The following PANK3 variants were observed in gnomAD, a reference collection of about 807,000 sequenced individuals.
The protein encoded by PANK3 is hPanK3.
A neutral mutation model predicts 39.4 loss-of-function variants in PANK3; 20 were observed. That is an observed-to-expected ratio of 0.51 (90% CI 0.36 to 0.74). The LOEUF is 0.74. Among genes scored for constraint, PANK3 ranks in the 30% least tolerant of loss-of-function variants. The pLI is 0.00. For missense variants in PANK3, 265 were observed against 437.0 expected (o/e 0.61, Z 3.51); for synonymous variants, 140 against 157.3 (o/e 0.89, Z 0.82).
chr5:168,571,502 T>A (rs1759629947), intron 1 of PANK3, among the ~76,000 whole-genome samples: 1 of 152,202 alleles, frequency 6.6e-6, no homozygotes, highest in African/African-American at 2.4e-5. Flanking sequence ...AAAATATATA[T>A]TTCTATTCTC....
At chr5:168,574,672 G>A (rs1170770529) in intron 1 of PANK3, among the ~76,000 whole-genome samples, 1 of 152,104 alleles carries the variant, frequency 6.6e-6, no homozygotes, top group Non-Finnish European at 1.5e-5. Flanking sequence ...ACAAGCCTGG[G>A]CAACATGGTG....
In PANK3 at chr5:168,550,559, T is replaced by C. The variant is rs780990303; in HGVS notation, c.*7012A>G. On this transcript the variant is annotated 3_prime_UTR_variant, in exon 7 of 7. Coordinates refer to ENST00000239231, the MANE Select transcript of PANK3 (RefSeq NM_024594.4). Reference sequence around the variant, plus strand: ...AAACCTTTCATATTACTTTAAGGTATATCTACCTGGCCATTACAGGCAATC... The same window carrying C: ...AAACCTTTCATATTACTTTAAGGTACATCTACCTGGCCATTACAGGCAATC... 1 of 152,204 alleles carries C rather than the reference T, an allele frequency of 6.6e-6. No individual in the cohort carries two copies. Among genetic ancestry groups the C allele is most frequent in the Non-Finnish European group, 1.5e-5 (1 of 68,018 alleles). 9.4% of individuals were successfully genotyped at this position (152,204 alleles called of 1,614,324 possible). A position where few individuals can be genotyped will look rare whatever the true frequency, so the allele number is the denominator to read the frequency against.
intron 1 of PANK3, among the ~76,000 whole-genome samples, chr5:168,577,941 TC>T (rs1182971585): frequency 1.3e-5 from 2 of 152,206 alleles, no homozygotes; most frequent in East Asian, 3.9e-4. Context: ...TTAAAGTCTC[TC>T]TATATTACTT....
intron 4 of PANK3, among the ~76,000 whole-genome samples, chr5:168,562,174 AAG>A (rs1229075171): frequency 2.0e-5 from 3 of 152,218 alleles, no homozygotes; most frequent in African/African-American, 7.2e-5. Context: ...AAAAGACAGC[AAG>A]AGAAGCGCTA....
At position 168,554,075 on chromosome 5, in the gene PANK3, T is replaced by C. The variant is rs1759313087; in HGVS notation, c.*3496A>G. ...TGTTTAGTAAACAAAAGCATAATAG[T>C]TCCAAAATTTGTAAAGCCTTTTACC... On this transcript the variant is annotated 3_prime_UTR_variant, in exon 7 of 7. Coordinates refer to ENST00000239231, the MANE Select transcript of PANK3 (RefSeq NM_024594.4). 6.6e-6 allele frequency: 1 copy of C among 152,208 alleles called. No individual in the cohort carries two copies. The highest frequency in any genetic ancestry group is 2.4e-5 in the African/African-American group (1 of 41,466). The allele number at this position is 152,208 out of a possible 1,614,324, so 9.4% of individuals were successfully genotyped here.
chr5:168,563,366 C>T lies in PANK3; in HGVS notation c.812+523G>A, dbSNP rs183736441. On this transcript the variant is annotated intron_variant, in intron 4 of 6. Transcript: ENST00000239231. ...TTACATTAAGATACCACTTCTCCAT[C>T]TGATTAGCAAAAATGCAAAAGTTAG... Among the ~76,000 whole-genome samples the T allele has an allele frequency of 2.2e-4, 34 of 152,276 alleles. 1 individual carries two copies. In the Middle Eastern group the frequency reaches 0.01, roughly 46 times the overall value.
chr5:168,554,368 T>A lies in PANK3; in HGVS notation c.*3203A>T, dbSNP rs187886541. ...GGTTTTTTTGTTTACAGACCGCAGG[T>A]TTACTTAATAGTTTTCAGTAGACTA... is the stretch of plus-strand genomic sequence containing the variant. On this transcript the variant is annotated 3_prime_UTR_variant, in exon 7 of 7. Transcript: ENST00000239231. The A allele has an allele frequency of 5.9e-5, 9 of 152,308 alleles. 1 individual carries two copies. In the East Asian group the frequency reaches 1.7e-3, roughly 29 times the overall value. The allele number at this position is 152,308 out of a possible 1,614,324, so 9.4% of individuals were successfully genotyped here. A position where few individuals can be genotyped will look rare whatever the true frequency, so the allele number is the denominator to read the frequency against.
rs973764070 is a variant in PANK3 at position 168,553,264 on chromosome 5, C to T, written c.*4307G>A. ...CAGCTGGTTGAGAGCACTAAAGGTA[C>T]CCCAAAGGGGAGTAGGCGAGATCTC... On this transcript the variant is annotated 3_prime_UTR_variant, in exon 7 of 7. Transcript: ENST00000239231. 48 of 524,110 alleles carry T rather than the reference C, an allele frequency of 9.2e-5. No homozygotes were observed. Among genetic ancestry groups the T allele is most frequent in the African/African-American group, 8.6e-4 (44 of 51,268 alleles). 32.5% of individuals were successfully genotyped at this position (524,110 alleles called of 1,614,324 possible).
chr5:168,578,126 C>T (rs1759757199), intron 1 of PANK3, among the ~76,000 whole-genome samples: 1 of 152,200 alleles, frequency 6.6e-6, no homozygotes, highest in African/African-American at 2.4e-5. Context: ...ATGAGTCAGT[C>T]CCCTTAGAGT....
intron 2 of PANK3, among the ~76,000 whole-genome samples, chr5:168,566,695 T>C (rs1213306195): frequency 6.6e-6 from 1 of 152,208 alleles, no homozygotes; most frequent in Non-Finnish European, 1.5e-5. Flanking sequence ...TGTCTGTGTA[T>C]ACAAATACAA....
intron 3 of PANK3, among the ~76,000 whole-genome samples, chr5:168,564,715 C>T (rs78351362): frequency 1.3e-5 from 2 of 152,158 alleles, no homozygotes; most frequent in East Asian, 3.9e-4. Flanking sequence ...GAATTACAGG[C>T]ATGAACTACC....
chr5:168,553,603 G>A lies in PANK3; in HGVS notation c.*3968C>T. 1 of 270,642 alleles carries A rather than the reference G, an allele frequency of 3.7e-6. No individual in the cohort carries two copies. Among genetic ancestry groups the A allele is most frequent in the Non-Finnish European group, 7.3e-6 (1 of 137,788 alleles). The allele number at this position is 270,642 out of a possible 1,614,324, so 16.8% of individuals were successfully genotyped here. ...AAGTGTAACTGAGAAAGTCCTGTAT[G>A]ACTGTCTCAGGAGCACTGATGACTC... is the stretch of plus-strand genomic sequence containing the variant. On this transcript the variant is annotated 3_prime_UTR_variant, in exon 7 of 7. Transcript: ENST00000239231.
At chr5:168,567,268 AG>A (rs1329951925) in intron 2 of PANK3, among the ~76,000 whole-genome samples, 1 of 152,238 alleles carries the variant, frequency 6.6e-6, no homozygotes, top group Non-Finnish European at 1.5e-5. Context: ...ATCTATGCAT[AG>A]GTGCAAGCAT....
At chr5:168,575,790 GA>G (rs953828840) in intron 1 of PANK3, among the ~76,000 whole-genome samples, 1 of 147,064 alleles carries the variant, frequency 6.8e-6, no homozygotes, top group African/African-American at 2.5e-5. Flanking sequence ...CGTCTCAAAA[GA>G]AAAAAAATAA....
chr5:168,577,559 G>T (rs1236752045), intron 1 of PANK3, among the ~76,000 whole-genome samples: 1 of 151,836 alleles, frequency 6.6e-6, no homozygotes, highest in Non-Finnish European at 1.5e-5. Flanking sequence ...GGTTGGTCTC[G>T]AACTCCTGGC....
At position 168,554,036 on chromosome 5, in the gene PANK3, A is replaced by T. The variant is rs562743766; in HGVS notation, c.*3535T>A. ...GAGTCTGAGGCAATACTGCAGAATT[A>T]CTAAAAGGATCAGTGTTTAGTAAAC... On this transcript the variant is annotated 3_prime_UTR_variant, in exon 7 of 7. Coordinates refer to ENST00000239231, the MANE Select transcript of PANK3 (RefSeq NM_024594.4). The T allele has an allele frequency of 3.3e-5, 5 of 152,364 alleles. No homozygotes were observed. In the South Asian group the frequency reaches 1.0e-3, roughly 32 times the overall value. 9.4% of individuals were successfully genotyped at this position (152,364 alleles called of 1,614,324 possible).
chr5:168,557,905 C>G (rs1255856244), intron 6 of PANK3, among the ~76,000 whole-genome samples: 2 of 152,146 alleles, frequency 1.3e-5, no homozygotes, highest in African/African-American at 4.8e-5. Flanking sequence ...CATGGTCCTC[C>G]CATCTCAGCC....
At chr5:168,567,614 T>C (rs1759557130) in intron 2 of PANK3, among the ~76,000 whole-genome samples, 1 of 152,088 alleles carries the variant, frequency 6.6e-6, no homozygotes, top group African/African-American at 2.4e-5. Flanking sequence ...CTATGAGCCA[T>C]TTAAGTTATT....
chr5:168,562,098 G>A (rs1335381902), intron 4 of PANK3, among the ~76,000 whole-genome samples: 1 of 152,096 alleles, frequency 6.6e-6, no homozygotes, highest in Non-Finnish European at 1.5e-5. Flanking sequence ...TCAACATGTG[G>A]CACTCATAAG....
Sources: allele counts gnomAD v4.1 joint callset (sites outside exome capture counted in the v4.1 genomes callset), GRCh38; gene constraint gnomAD v4.1.1; transcripts MANE v1.5; gene names NCBI Gene and HGNC (gene_info 2026-07-23, HGNC 2026-07-21).